GIT2: variants seen among roughly 807,000 people sequenced by gnomAD.
GIT2 encodes GIT ArfGAP 2.
In GIT2, 32 loss-of-function variants were observed where a neutral mutation model predicts 100.3. That is an observed-to-expected ratio of 0.32 (90% CI 0.24 to 0.43). The LOEUF (loss-of-function observed/expected upper bound fraction) is 0.43. Among genes scored for constraint, GIT2 ranks in the 20% least tolerant of loss-of-function variants. The pLI is 1.00. For missense variants in GIT2, 737 were observed against 975.1 expected, an observed-to-expected ratio of 0.76 and a Z score of 3.25; for synonymous variants, 353 against 364.1, an observed-to-expected ratio of 0.97 and a Z score of 0.35.
chr12:109,975,185 G>A (rs1884770516), intron 7 of GIT2, among the ~76,000 whole-genome samples: 1 of 152,050 alleles, frequency 6.6e-6, no homozygotes, highest in African/African-American at 2.4e-5. Flanking sequence ...CTTGTAGACA[G>A]TATATATTAG....
intron 6 of GIT2, chr12:109,982,498 C>T (rs1474706786): frequency 1.3e-5 from 2 of 152,074 alleles, no homozygotes; most frequent in Admixed American, 6.6e-5. Context: ...TTGTGCTTCA[C>T]AGTTAATAAA....
In GIT2 at chr12:109,932,748, C is replaced by T; in HGVS notation, c.*230G>A. ...ATCAACTCAACAGTTGTTGACAACACAACCGAACATCAGAAACTAAACCAG... is the reference window on the plus strand; with the variant it reads ...ATCAACTCAACAGTTGTTGACAACATAACCGAACATCAGAAACTAAACCAG... On this transcript the variant is annotated 3_prime_UTR_variant, in exon 20 of 20. Coordinates refer to ENST00000355312, the MANE Select transcript of GIT2 (RefSeq NM_057169.5). 2.0e-6 allele frequency: 1 copy of T among 495,394 alleles called. No homozygotes were observed. Among genetic ancestry groups the T allele is most frequent in the Non-Finnish European group, 3.6e-6 (1 of 274,004 alleles). 30.7% of individuals were successfully genotyped at this position (495,394 alleles called of 1,614,324 possible).
rs531854767 is a variant in GIT2 at position 109,984,868 on chromosome 12, C to A, written c.406-1174G>T. On this transcript the variant is annotated intron_variant, in intron 4 of 19. Coordinates refer to ENST00000355312, the MANE Select transcript of GIT2 (RefSeq NM_057169.5). ...AATTAGGGCTTTAGGACTTCAAATT[C>A]TACACTGTGTAAGCTACAGGATCCT... 1.7e-4 allele frequency among the ~76,000 whole-genome samples: 26 copies of A among 152,278 alleles called. No homozygotes were observed. The South Asian group carries it at 5.4e-3, about 32-fold the overall frequency.
chr12:109,945,722 C>T (rs947518938), intron 15 of GIT2, among the ~76,000 whole-genome samples: 3 of 152,128 alleles, frequency 2.0e-5, no homozygotes, highest in African/African-American at 7.2e-5. Flanking sequence ...ATTTTTAGTA[C>T]AATTACAGTG....
chr12:109,992,482 A>G (rs1593169248), intron 1 of GIT2, among the ~76,000 whole-genome samples: 1 of 152,202 alleles, frequency 6.6e-6, no homozygotes, highest in Middle Eastern at 3.4e-3. Context: ...TTATGCAGAT[A>G]GCATTTTCTG....
chr12:109,938,651 G>A (rs1399088865), intron 17 of GIT2, 83 bp from the exon 18 acceptor site: 2 of 929,882 alleles, frequency 2.2e-6, no homozygotes, highest in Admixed American at 2.4e-5. Context: ...TGTATGCACT[G>A]GCTAAATGCA....
At chr12:109,981,259 T>C in intron 6 of GIT2, 1 of 469,830 alleles carries the variant, frequency 2.1e-6, no homozygotes, top group South Asian at 3.2e-5. Flanking sequence ...CTTTCCTTTA[T>C]TAAGGCCAAA....
At chr12:109,959,070 GTT>G (rs777221325) in intron 12 of GIT2, among the ~76,000 whole-genome samples, 7 of 140,246 alleles carry the variant, frequency 5.0e-5, no homozygotes, top group Non-Finnish European at 9.4e-5. Context: ...TTTCTTTTCC[GTT>G]TTTTTTTTTT....
At chr12:109,967,421 C>A (rs73419574) in intron 8 of GIT2, 37 bp downstream of exon 8, 1 of 1,514,258 alleles carries the variant, frequency 6.6e-7, no homozygotes. Context: ...GAAATATTAG[C>A]GATAGACAAA....
intron 7 of GIT2, among the ~76,000 whole-genome samples, chr12:109,978,076 GTTTTTTTTTTT>G (rs111855474): frequency 5.3e-5 from 5 of 93,498 alleles, no homozygotes; most frequent in African/African-American, 8.3e-5. Context: ...AAATTTAGAG[GTTTTTTTTTTT>G]TTTTTTTTTT....
intron 14 of GIT2, chr12:109,950,703 T>C (rs1877590591): frequency 6.4e-6 from 1 of 155,614 alleles, no homozygotes; most frequent in Non-Finnish European, 1.4e-5. Context: ...GCTCTGGGGA[T>C]AATACAAGTT....
At chr12:109,940,928 A>G (rs1329826456) in intron 16 of GIT2, among the ~76,000 whole-genome samples, 1 of 151,762 alleles carries the variant, frequency 6.6e-6, no homozygotes, top group Non-Finnish European at 1.5e-5. Flanking sequence ...AAAAAAAAAA[A>G]AAAACCCCAC....
At chr12:109,953,511 T>C (rs1416512165) in intron 12 of GIT2, 2 of 305,540 alleles carry the variant, frequency 6.5e-6, no homozygotes, top group Non-Finnish European at 1.2e-5. Flanking sequence ...TCCCAGCTAC[T>C]AGCTACTCAG....
In GIT2 at chr12:109,996,166, G is replaced by A. The variant is rs1032091352; in HGVS notation, c.52+7C>T. ...AGAGGGGAGCGGGCCCGGCCGGTGC[G>A]ACTCACCCGGCCCGCTGCAGTCAGC... On this transcript the variant is annotated splice_region_variant and intron_variant, in intron 1 of 19. Coordinates refer to ENST00000355312, the MANE Select transcript of GIT2 (RefSeq NM_057169.5). The A allele has an allele frequency of 2.0e-6, 3 of 1,509,594 alleles. No individual in the cohort carries two copies. Among genetic ancestry groups the A allele is most frequent in the Non-Finnish European group, 2.7e-6 (3 of 1,124,468 alleles). 93.5% of individuals were successfully genotyped at this position (1,509,594 alleles called of 1,614,324 possible). A position where few individuals can be genotyped will look rare whatever the true frequency, so the allele number is the denominator to read the frequency against.
At chr12:109,976,593 C>CTTTTT (rs938104261) in intron 7 of GIT2, among the ~76,000 whole-genome samples, 2 of 104,416 alleles carry the variant, frequency 1.9e-5, no homozygotes, top group Non-Finnish European at 4.1e-5. Context: ...GTTTTCTTTT[C>CTTTTT]TTTTTTTTTT....
intron 7 of GIT2, among the ~76,000 whole-genome samples, chr12:109,976,593 CTTT>C (rs938104261): frequency 4.8e-5 from 5 of 104,412 alleles, no homozygotes; most frequent in Non-Finnish European, 4.1e-5. Context: ...GTTTTCTTTT[CTTT>C]TTTTTTTTTT....
intron 15 of GIT2, among the ~76,000 whole-genome samples, chr12:109,945,856 T>C (rs779830907): frequency 2.6e-5 from 4 of 152,106 alleles, no homozygotes; most frequent in African/African-American, 4.8e-5. Flanking sequence ...TAACTTAGGG[T>C]GGGCATGGTA....
At position 109,947,382 on chromosome 12, in the gene GIT2, C is replaced by T. The variant is rs535275914; in HGVS notation, c.1515G>A (p.Pro505=). The change falls in exon 15 of 20, where the codon CCG becomes CCA. Residue 505 remains proline, a synonymous_variant. Coordinates refer to ENST00000355312, the MANE Select transcript of GIT2 (RefSeq NM_057169.5). This position sits in a 1 kb window ranked among gnomAD's most constrained non-coding sequence, Gnocchi z 4.3. ...ACATGGGCCTACTGCCCCGGGCAGA[C>T]GGACGTCTCTTTAAGGAAGAGTGGT... ...TSNHSSLKRR[P]SARGSRPMSM... is the part of the protein sequence containing the mutation. 973 of 1,614,104 alleles carry T rather than the reference C, an allele frequency of 6.0e-4. 10 individuals are homozygous for T. In the South Asian group the frequency reaches 0.01, roughly 17 times the overall value.
chr12:109,991,362 CAG>C (rs1888359778), intron 2 of GIT2, among the ~76,000 whole-genome samples: 1 of 150,438 alleles, frequency 6.6e-6, no homozygotes, highest in African/African-American at 2.5e-5. Flanking sequence ...AACAGAGCAA[CAG>C]TACCAAGATA....
Sources: gnomAD v4.1 joint callset for allele counts (sites outside exome capture counted in the v4.1 genomes callset) on GRCh38, gnomAD v4.1.1 for gene constraint, Gnocchi (gnomAD v3.1) non-coding constraint, MANE v1.5 for transcripts, NCBI Gene and HGNC (gene_info 2026-07-23, HGNC 2026-07-21) for gene names.